Variants in PLEC observed in about 807,000 individuals in gnomAD.
PLEC encodes hemidesmosomal protein 1.
Under a neutral mutation model 392.8 loss-of-function variants are expected in PLEC, and 216 were observed. The ratio of observed to expected loss-of-function variants is 0.55; its 90% CI spans 0.49 to 0.62. PLEC has a LOEUF of 0.62. Among genes scored for constraint, PLEC ranks in the 20% least tolerant of loss-of-function variants. The pLI, the probability that PLEC is intolerant of heterozygous loss-of-function variation, is 0.00. For synonymous variants in PLEC, 3,621 were observed against 2,980.6 expected, an observed-to-expected ratio of 1.21 and a Z score of -7.00; for missense variants, 6,863 against 6,563.4, an observed-to-expected ratio of 1.05 and a Z score of -1.58.
At chr8:143,929,907 G>A (rs1826620263) in intron 22 of PLEC, 29 bp downstream of exon 22, 4 of 1,605,948 alleles carry the variant, frequency 2.5e-6, no homozygotes, top group Non-Finnish European at 3.4e-6. Flanking sequence ...CTCCCACCCA[G>A]AGAGCCCCCG....
chr8:143,970,840 C>G (rs942271552), intron 1 of PLEC, among the ~76,000 whole-genome samples: 9 of 152,188 alleles, frequency 5.9e-5, no homozygotes, highest in Non-Finnish European at 8.8e-5. Context: ...AGGCTTGGGG[C>G]GCTGGGCGAC....
chr8:143,937,599 G>A (rs1554724553), intron 3 of PLEC: 5 of 505,214 alleles, frequency 9.9e-6, no homozygotes, highest in South Asian at 1.7e-5. Context: ...GCTCTGGGCA[G>A]CACGGTGGAC....
At position 143,934,679 on chromosome 8, in the gene PLEC, C is replaced by G. The variant is rs782257829; in HGVS notation, c.997G>C (p.Glu333Gln). 3.1e-6 allele frequency: 5 copies of G among 1,613,104 alleles called. No individual in the cohort carries two copies. Among genetic ancestry groups the G allele is most frequent in the Non-Finnish European group, 4.2e-6 (5 of 1,179,962 alleles). The change falls in exon 10 of 32, where the codon GAG (glutamate) becomes CAG (glutamine). Residue 333 changes from glutamate (E) to glutamine (Q), a missense_variant. Transcript: ENST00000345136. ...CCCTTGGACCTGTTCTTGTCGGCCT[C>G]CTTGGCTGGTAGCTCCATCTCCTTA... ...KFKEMELPAK[E>Q]ADKNRSKGIY... is the part of the protein sequence containing the mutation.
chr8:143,973,385 C>T lies in PLEC; in HGVS notation c.70+18G>A, dbSNP rs1228357854. 9 of 1,558,520 alleles carry T rather than the reference C, an allele frequency of 5.8e-6. No homozygotes were observed. The highest frequency in any genetic ancestry group is 5.5e-5 in the African/African-American group (4 of 72,094). On this transcript the variant is annotated intron_variant, in intron 1 of 31. Transcript: ENST00000356346. This position sits in a 1 kb window ranked among gnomAD's most constrained non-coding sequence, Gnocchi z 5.6. ...CTGTCAGGAGCGGCCCGACAGGCAG[C>T]GGGACGGGGGGCCGTACCTTTGTAC...
chr8:143,919,136 T>A lies in PLEC; in HGVS notation c.10685A>T (p.Glu3562Val). The A allele has an allele frequency of 1.2e-6, 2 of 1,613,296 alleles. No individual in the cohort carries two copies. Among genetic ancestry groups the A allele is most frequent in the Non-Finnish European group, 8.5e-7 (1 of 1,180,016 alleles). ...TGTCTCTTCAAATGCCCTTCTTGTC[T>A]CCTCCTCAGTGTACACCTGCGTGGT... ...VETTQVYTEE[E>V]TRRAFEETQI... The change falls in exon 32 of 32, where the codon GAG becomes GTG. Residue 3562 changes from glutamate (E) to valine (V), a missense_variant. Coordinates refer to ENST00000345136, the MANE Select transcript of PLEC (RefSeq NM_201384.3).
Position 143,932,026 on chromosome 8 carries a change from G to A in PLEC, c.2089C>T (p.Gln697Ter), listed in dbSNP as rs1554716128. Reference protein sequence around the residue: ...HPARPTVESFQAALQTQWSWM... With the variant: ...HPARPTVESF ...CTCCACTGCGTCTGCAGGGCCGCCTGGAAGGACTGCGGGACAGCAGGTCCC... is the reference window on the plus strand; with the variant it reads ...CTCCACTGCGTCTGCAGGGCCGCCTAGAAGGACTGCGGGACAGCAGGTCCC... The change falls in exon 18 of 32, where the codon CAG becomes TAG. Residue 697 changes from glutamine to a stop codon, truncating the protein, a stop_gained. Coordinates refer to ENST00000345136, the MANE Select transcript of PLEC (RefSeq NM_201384.3). LOFTEE classifies it high-confidence loss of function. 1 of 1,600,156 alleles carries A rather than the reference G, an allele frequency of 6.2e-7. No individual in the cohort carries two copies.
rs782107643 is a variant in PLEC at position 143,923,019 on chromosome 8, G to A, written c.6910C>T (p.Gln2304Ter). The change falls in exon 31 of 32, where the codon CAG becomes TAG. Residue 2304 changes from glutamine to a stop codon, truncating the protein, a stop_gained. Coordinates refer to ENST00000345136, the MANE Select transcript of PLEC (RefSeq NM_201384.3). LOFTEE classifies it high-confidence loss of function. ...RQLAEEDLAQQRALAEKMLKE... is the reference protein window; with the variant it reads ...RQLAEEDLAQ ...AGCATCTTCTCTGCCAAGGCCCGCT[G>A]CTGTGCCAGGTCCTCCTCTGCCAGC... is the stretch of plus-strand genomic sequence containing the variant. The A allele has an allele frequency of 2.5e-6, 4 of 1,611,822 alleles. No homozygotes were observed. The East Asian group carries it at 6.7e-5, about 27-fold the overall frequency.
In PLEC at chr8:143,917,306, G is replaced by T. The variant is rs1306618896; in HGVS notation, c.12515C>A (p.Ser4172Tyr). 1 of 1,609,190 alleles carries T rather than the reference G, an allele frequency of 6.2e-7. No homozygotes were observed. Among genetic ancestry groups the T allele is most frequent in the Non-Finnish European group, 8.5e-7 (1 of 1,178,954 alleles). The change falls in exon 32 of 32, where the codon TCC becomes TAC. Residue 4172 changes from serine to tyrosine, a missense_variant. By Grantham distance (144) the Ser-to-Tyr change is moderately radical. Transcript: ENST00000345136. ...LIDHQTYLEL[S>Y]EQECEWEEIT... is the part of the protein sequence containing the mutation. Reference sequence around the variant, plus strand: ...CTCCTCCCACTCGCACTCCTGCTCGGACAGCTCCAGGTACGTCTGGTGGTC... The same window carrying T: ...CTCCTCCCACTCGCACTCCTGCTCGTACAGCTCCAGGTACGTCTGGTGGTC...
rs377371180 is a variant in PLEC, at chr8:143,920,635, G to A, written c.9186C>T (p.Ala3062=). 2.0e-4 allele frequency: 317 copies of A among 1,606,024 alleles called. 1 individual carries two copies. The highest frequency in any genetic ancestry group is 1.2e-3 in the Admixed American group (70 of 60,006). The part of the protein sequence containing the change: ...DMAVALLEAQ[A]GTGHIIDPAT... ...CGGGGTCGATGATGTGCCCGGTGCC[G>A]GCCTGGGCTTCCAACAGGGCCACGG... The change falls in exon 32 of 32, where the codon GCC becomes GCT. Residue 3062 remains alanine (A), a synonymous_variant. Coordinates refer to ENST00000345136, the MANE Select transcript of PLEC (RefSeq NM_201384.3).
intron 1 of PLEC, among the ~76,000 whole-genome samples, chr8:143,939,141 A>G (rs1554726335): frequency 6.6e-6 from 1 of 152,166 alleles, no homozygotes; most frequent in Non-Finnish European, 1.5e-5. Context: ...TCGCCCTTCC[A>G]GGCCCGACAT....
Position 143,918,261 on chromosome 8 carries a change from G to C in PLEC, c.11560C>G (p.Arg3854Gly), listed in dbSNP as rs782359004. Residue 3854 changes from arginine (R) to glycine (G), a missense_variant, in exon 32 of 32, where the codon CGC becomes GGC. Transcript: ENST00000345136. ...RSYVDPSTDE[R>G]LSYTQLLRRC... is the part of the protein sequence containing the mutation. ...CTGAGCAGCTGCGTGTAGCTGAGGCGCTCGTCGGTGGACGGGTCCACGTAG... is the reference window on the plus strand; with the variant it reads ...CTGAGCAGCTGCGTGTAGCTGAGGCCCTCGTCGGTGGACGGGTCCACGTAG... The C allele has an allele frequency of 1.9e-6, 3 of 1,591,736 alleles. No homozygotes were observed. The highest frequency in any genetic ancestry group is 1.7e-6 in the Non-Finnish European group (2 of 1,176,270).
In PLEC at chr8:143,925,696, C is replaced by G. The variant is rs2855760; in HGVS notation, c.4233G>C (p.Ala1411=). ...CCTGAATGCTGCGCTTCTGCTGCTG[C>G]GCGTCCACCGCCGCCTCCTCCCGCC... ...VVRREEAAVD[A]QQQKRSIQEE... is the part of the protein sequence containing the mutation. Residue 1411 remains alanine (A), a synonymous_variant, in exon 31 of 32, where the codon GCG becomes GCC. Coordinates refer to ENST00000345136, the MANE Select transcript of PLEC (RefSeq NM_201384.3). 6.3e-7 allele frequency: 1 copy of G among 1,591,872 alleles called. No individual in the cohort carries two copies. The highest frequency in any genetic ancestry group is 8.5e-7 in the Non-Finnish European group (1 of 1,176,492).
intron 1 of PLEC, among the ~76,000 whole-genome samples, chr8:143,945,462 C>T (rs1252698945): frequency 1.3e-5 from 2 of 152,206 alleles, no homozygotes; most frequent in South Asian, 2.1e-4. Flanking sequence ...GGAAACAGGA[C>T]GTGGGACACG....
chr8:143,953,374 C>T (rs1554737982), upstream of PLEC, among the ~76,000 whole-genome samples: 1 of 150,706 alleles, frequency 6.6e-6, no homozygotes, highest in African/African-American at 2.4e-5. Context: ...AGGTTGTGGG[C>T]GGCAAACTCG....
chr8:143,973,911 C>T (rs74693268), upstream of PLEC, among the ~76,000 whole-genome samples: 597 of 152,262 alleles, frequency 3.9e-3, 4 homozygotes, highest in African/African-American at 0.014. This position sits in a 1 kb window ranked among gnomAD's most constrained non-coding sequence, Gnocchi z 5.6. Flanking sequence ...TTGGAGACGA[C>T]TGAGTCGGTA....
chr8:143,974,901 A>T (rs1554745495), upstream of PLEC, among the ~76,000 whole-genome samples: 1 of 152,182 alleles, frequency 6.6e-6, no homozygotes, highest in Non-Finnish European at 1.5e-5. The surrounding 1 kb of genome is among the most constrained non-coding windows in gnomAD (Gnocchi z 5.9). Flanking sequence ...GAACCCAAAA[A>T]ATTATCCTTG....
upstream of PLEC, among the ~76,000 whole-genome samples, chr8:143,976,548 G>A (rs1231722269): frequency 6.6e-6 from 1 of 152,126 alleles, no homozygotes; most frequent in Non-Finnish European, 1.5e-5. Flanking sequence ...AGTCTCGGGC[G>A]TGCAGGGAGG....
Position 143,924,410 on chromosome 8 carries a change from G to T in PLEC, c.5519C>A (p.Ala1840Asp). The change falls in exon 31 of 32, where the codon GCC (alanine) becomes GAC (aspartate). Residue 1840 changes from alanine to aspartate, a missense_variant. Coordinates refer to ENST00000345136, the MANE Select transcript of PLEC (RefSeq NM_201384.3). ...EAERVLAEKLAAIGEATRLKT... is the reference protein window; with the variant it reads ...EAERVLAEKLDAIGEATRLKT... ...GAGCCGCGTGGCCTCGCCGATGGCGGCCAGCTTCTCCGCAAGCACCCGCTC... is the reference window on the plus strand; with the variant it reads ...GAGCCGCGTGGCCTCGCCGATGGCGTCCAGCTTCTCCGCAAGCACCCGCTC... 6.3e-7 allele frequency: 1 copy of T among 1,592,800 alleles called. No homozygotes were observed. The highest frequency in any genetic ancestry group is 8.5e-7 in the Non-Finnish European group (1 of 1,176,952).
At chr8:143,951,015 C>T (rs914840535), upstream of PLEC, 1 of 507,394 alleles carries the variant, frequency 2.0e-6, no homozygotes, top group African/African-American at 2.1e-5. Flanking sequence ...GCCGACGGGG[C>T]CCTTGTAGAG....
Sources: allele counts gnomAD v4.1 joint callset (sites outside exome capture counted in the v4.1 genomes callset), GRCh38; gene constraint gnomAD v4.1.1; non-coding constraint Gnocchi (gnomAD v3.1); transcripts MANE v1.5; gene names NCBI Gene and HGNC (gene_info 2026-07-23, HGNC 2026-07-21).